The following RABL6 variants were observed in gnomAD, a reference collection of about 807,000 sequenced individuals.
The protein encoded by RABL6 is rab-like protein 6.
A neutral mutation model predicts 72.9 loss-of-function variants in RABL6; 28 were observed. The observed-to-expected ratio is 0.38, with a 90% confidence interval of 0.28 to 0.53. The LOEUF (loss-of-function observed/expected upper bound fraction) is 0.53. Among genes scored for constraint, RABL6 ranks in the 20% least tolerant of loss-of-function variants. RABL6 has a pLI of 0.80. For synonymous variants in RABL6, 477 were observed against 421.2 expected, an observed-to-expected ratio of 1.13 and a Z score of -1.62; for missense variants, 1,029 against 1,008.4, an observed-to-expected ratio of 1.02 and a Z score of -0.28.
intron 7 of RABL6, chr9:136,834,141 C>T: frequency 7.7e-7 from 1 of 1,294,928 alleles, no homozygotes; most frequent in Non-Finnish European, 9.8e-7. Flanking sequence ...CTTTGTCTTG[C>T]CCCTGGATTG....
In RABL6 at chr9:136,826,445, C is replaced by T. The variant is rs1439239833; in HGVS notation, c.313+619C>T. Among the ~76,000 whole-genome samples, 2 of 152,104 alleles carry T rather than the reference C, an allele frequency of 1.3e-5. No homozygotes were observed. Among genetic ancestry groups the T allele is most frequent in the Non-Finnish European group, 2.9e-5 (2 of 68,024 alleles). Reference sequence around the variant, plus strand: ...ACGTGCACGCCCCGGCCTCACAGGCCTGGCTGTGGCCTCGTTACGAGGCTC... The same window carrying T: ...ACGTGCACGCCCCGGCCTCACAGGCTTGGCTGTGGCCTCGTTACGAGGCTC... On this transcript the variant is annotated intron_variant, in intron 3 of 14. Coordinates refer to ENST00000311502, the MANE Select transcript of RABL6 (RefSeq NM_024718.5). This position sits in a 1 kb window ranked among gnomAD's most constrained non-coding sequence, Gnocchi z 4.9.
chr9:136,839,869 G>A lies in RABL6; in HGVS notation c.1930+4G>A, dbSNP rs1451090037. 1.9e-6 allele frequency: 3 copies of A among 1,610,782 alleles called. No individual in the cohort carries two copies. Among genetic ancestry groups the A allele is most frequent in the East Asian group, 4.5e-5 (2 of 44,808 alleles). On this transcript the variant is annotated splice_donor_region_variant and intron_variant, in intron 13 of 14. Transcript: ENST00000311502. ...CCCAAGGAGAGCAGTGAGGAAGGTG[G>A]GTGGGGGCACCAGAGTGCGGTCAGC...
intron 1 of RABL6, among the ~76,000 whole-genome samples, chr9:136,812,387 C>T (rs1174514312): frequency 6.6e-6 from 1 of 152,040 alleles, no homozygotes; most frequent in African/African-American, 2.4e-5. Context: ...TGATGAAACT[C>T]ATCTCTACTG....
rs373810895 is a variant in RABL6, at chr9:136,832,288, G to A, written c.623G>A (p.Arg208His). 2.6e-5 allele frequency: 42 copies of A among 1,613,668 alleles called. No homozygotes were observed. Among genetic ancestry groups the A allele is most frequent in the Middle Eastern group, 3.3e-4 (2 of 6,084 alleles). ...LDRPPGSSYF[R>H]YAESSMKNSF... ...AGACCTCCAGGTTCCTCCTACTTCC[G>A]CTATGCTGAGTCTTCCATGAAGAAC... The change falls in exon 7 of 15, where the codon CGC becomes CAC. Residue 208 changes from arginine (R) to histidine (H), a missense_variant. Around this residue, in one of 2 missense-constraint regions of RABL6, gnomAD observed 434 missense variants for 536.1 expected, o/e 0.81. Coordinates refer to ENST00000311502, the MANE Select transcript of RABL6 (RefSeq NM_024718.5).
chr9:136,815,421 T>C, intron 1 of RABL6: 1 of 271,354 alleles, frequency 3.7e-6, no homozygotes, highest in Non-Finnish European at 7.3e-6. Context: ...TCCACAGCTG[T>C]CATCTTCTTC....
At chr9:136,836,015 G>T in intron 8 of RABL6, 170 bp downstream of exon 8, 1 of 622,296 alleles carries the variant, frequency 1.6e-6, no homozygotes, top group South Asian at 2.0e-5. Context: ...ACTGCCCCCA[G>T]CAGCCCCCCC....
intron 8 of RABL6, 170 bp downstream of exon 8, chr9:136,836,015 G>A: frequency 1.6e-6 from 1 of 622,294 alleles, no homozygotes; most frequent in Non-Finnish European, 2.8e-6. Flanking sequence ...ACTGCCCCCA[G>A]CAGCCCCCCC....
intron 10 of RABL6, 80 bp downstream of exon 10, chr9:136,838,095 T>TAGGGGCGCAGA: frequency 6.6e-7 from 1 of 1,511,612 alleles, no homozygotes; most frequent in Non-Finnish European, 8.9e-7. Context: ...GCTGGCTTTC[T>TAGGGGCGCAGA]AGGGGCGCAG....
intron 1 of RABL6, among the ~76,000 whole-genome samples, chr9:136,810,256 C>T (rs929148021): frequency 2.6e-5 from 4 of 152,084 alleles, no homozygotes; most frequent in African/African-American, 9.7e-5. Flanking sequence ...GGGTCCTGGG[C>T]AAGGTCCACC....
At chr9:136,839,672 C>G in intron 12 of RABL6, 22 bp from the exon 13 acceptor site, 1 of 1,566,468 alleles carries the variant, frequency 6.4e-7, no homozygotes, top group Non-Finnish European at 8.7e-7. Context: ...GATGGCCTGA[C>G]CAGTTGCTCT....
In RABL6 at chr9:136,817,500, G is replaced by A. The variant is rs1013230032; in HGVS notation, c.131-6025G>A. Among the ~76,000 whole-genome samples, 8 of 151,380 alleles carry A rather than the reference G, an allele frequency of 5.3e-5. No homozygotes were observed. In the East Asian group the frequency reaches 5.8e-4, roughly 11 times the overall value. The stretch of plus-strand genomic sequence containing the variant: ...GCAAACCTGTGGCTGAGGGGAGGCC[G>A]ACGTGGGCTGAGGGGAGGCCGACGT... On this transcript the variant is annotated intron_variant, in intron 1 of 14. Coordinates refer to ENST00000311502, the MANE Select transcript of RABL6 (RefSeq NM_024718.5).
At chr9:136,821,879 A>T in intron 1 of RABL6, 1 of 1,267,530 alleles carries the variant, frequency 7.9e-7, no homozygotes, top group Non-Finnish European at 1.0e-6. Flanking sequence ...GGCTGCCCCC[A>T]GCCGGTGCGG....
intron 4 of RABL6, among the ~76,000 whole-genome samples, chr9:136,828,898 G>A (rs995224401): frequency 2.0e-5 from 3 of 152,296 alleles, no homozygotes; most frequent in South Asian, 2.1e-4. Flanking sequence ...TTCGCTCACC[G>A]GAGCCACCTG....
intron 1 of RABL6, among the ~76,000 whole-genome samples, chr9:136,819,385 T>TG (rs1004008912): frequency 6.7e-6 from 1 of 148,648 alleles, no homozygotes; most frequent in African/African-American, 2.5e-5. Flanking sequence ...CATAGAAGGC[T>TG]GGGGGAGGGG....
At chr9:136,838,880 C>T (rs751748199) in intron 10 of RABL6, 29 bp from the exon 11 acceptor site, 2 of 1,520,614 alleles carry the variant, frequency 1.3e-6, no homozygotes, top group Non-Finnish European at 1.8e-6. Flanking sequence ...ACCCCGTGGC[C>T]CTTGACCGCT....
intron 10 of RABL6, 57 bp from the exon 11 acceptor site, chr9:136,838,852 G>A: frequency 7.0e-7 from 1 of 1,438,564 alleles, no homozygotes; most frequent in Non-Finnish European, 9.2e-7. Flanking sequence ...AGGCCCGTGA[G>A]CCCGGCCAGC....
At chr9:136,813,392 G>T in intron 1 of RABL6, 1 of 939,688 alleles carries the variant, frequency 1.1e-6, no homozygotes, top group Non-Finnish European at 1.6e-6. Flanking sequence ...AGGAGAGGTT[G>T]CTTAAACCAG....
rs766484851 is a variant in RABL6, at chr9:136,840,231, C to G, written c.1989+19C>G. 9 of 1,612,728 alleles carry G rather than the reference C, an allele frequency of 5.6e-6. No individual in the cohort carries two copies. In the Admixed American group the frequency reaches 6.7e-5, roughly 12 times the overall value. ...CAAAGAGGTACTGGCTACTCCCCTT[C>G]CTGGCAGGCCAGGACTGGGTGGCAT... On this transcript the variant is annotated intron_variant, in intron 14 of 14. Coordinates refer to ENST00000311502, the MANE Select transcript of RABL6 (RefSeq NM_024718.5).
intron 7 of RABL6, chr9:136,834,031 A>C: frequency 6.8e-7 from 1 of 1,473,576 alleles, no homozygotes; most frequent in Non-Finnish European, 9.0e-7. Context: ...CTTGAGCTGG[A>C]AGCGTAGGGC....
Sources: gnomAD v4.1 joint callset for allele counts (sites outside exome capture counted in the v4.1 genomes callset) on GRCh38, gnomAD v4.1.1 for gene constraint, gnomAD v4.1.1 regional missense constraint, Gnocchi (gnomAD v3.1) non-coding constraint, MANE v1.5 for transcripts, NCBI Gene and HGNC (gene_info 2026-07-23, HGNC 2026-07-21) for gene names.